Variants in EPHA6 observed in about 807,000 individuals in gnomAD.
The protein encoded by EPHA6 is ephrin type-A receptor 6.
EPHA6 carries 50 observed loss-of-function variants against 112.0 expected under a neutral mutation model. That is an observed-to-expected ratio of 0.45 (90% CI 0.36 to 0.56). The LOEUF (loss-of-function observed/expected upper bound fraction) is 0.56, where lower values mean the gene tolerates loss of function less well. Ranked by LOEUF, EPHA6 falls within the 20% of genes least tolerant of loss-of-function variation. The pLI is 0.00. For missense variants in EPHA6, 1,280 were observed against 1,417.4 expected (o/e 0.90, Z 1.56); for synonymous variants, 529 against 490.7 (o/e 1.08, Z -1.03).
chr3:97,500,050 T>A (rs1157551650), intron 10 of EPHA6, among the ~76,000 whole-genome samples: 1 of 152,218 alleles, frequency 6.6e-6, no homozygotes, highest in African/African-American at 2.4e-5. Flanking sequence ...TCCTTATTTA[T>A]ATTCTTATTC....
intron 5 of EPHA6, among the ~76,000 whole-genome samples, chr3:97,280,030 C>T (rs972784717): frequency 6.6e-6 from 1 of 152,172 alleles, no homozygotes; most frequent in African/African-American, 2.4e-5. Flanking sequence ...GGATTACAGG[C>T]ACCTGCCACC....
intron 2 of EPHA6, among the ~76,000 whole-genome samples, chr3:96,949,432 T>C (rs1393040157): frequency 6.6e-6 from 1 of 152,106 alleles, no homozygotes. Context: ...ATGCCTCAGT[T>C]TCTTTATTTG....
intron 13 of EPHA6, among the ~76,000 whole-genome samples, chr3:97,615,446 C>G (rs2093757609): frequency 6.6e-6 from 1 of 152,122 alleles, no homozygotes; most frequent in Admixed American, 6.6e-5. Context: ...GAAAAGGGAG[C>G]TGAATCCAGG....
At chr3:96,896,736 A>G (rs1229488585) in intron 2 of EPHA6, among the ~76,000 whole-genome samples, 4 of 152,180 alleles carry the variant, frequency 2.6e-5, no homozygotes, top group Non-Finnish European at 5.9e-5. Flanking sequence ...AGGAATTATG[A>G]TATCACCTTA....
At chr3:97,031,451 C>T (rs1390302425) in intron 3 of EPHA6, among the ~76,000 whole-genome samples, 1 of 152,070 alleles carries the variant, frequency 6.6e-6, no homozygotes, top group African/African-American at 2.4e-5. Flanking sequence ...CAAATGGGAT[C>T]TAATTAAACT....
At chr3:97,496,573 C>T (rs1411863930) in intron 10 of EPHA6, among the ~76,000 whole-genome samples, 1 of 152,110 alleles carries the variant, frequency 6.6e-6, no homozygotes, top group Non-Finnish European at 1.5e-5. Flanking sequence ...TGAAGCCATA[C>T]TTCTATAAGA....
chr3:97,329,778 T>C (rs1157218436), intron 5 of EPHA6, among the ~76,000 whole-genome samples: 2 of 152,168 alleles, frequency 1.3e-5, no homozygotes, highest in East Asian at 1.9e-4. Context: ...GCCTGTTCAC[T>C]CTGATGGTGG....
In EPHA6 at chr3:97,284,800, A is replaced by G. The variant is rs535774231; in HGVS notation, c.1606+40513A>G. Among the ~76,000 whole-genome samples, 38 of 152,326 alleles carry G rather than the reference A, an allele frequency of 2.5e-4. 1 individual carries two copies. Among genetic ancestry groups the G allele is most frequent in the African/African-American group, 6.7e-4 (28 of 41,594 alleles). ...TTGATTCTCCTCCCAATTAATACAA[A>G]TATGTTAAATCTTTAATTTGTACAC... On this transcript the variant is annotated intron_variant, in intron 5 of 17. Transcript: ENST00000389672.
intron 11 of EPHA6, among the ~76,000 whole-genome samples, chr3:97,579,556 T>G (rs2093418334): frequency 6.6e-6 from 1 of 152,144 alleles, no homozygotes; most frequent in Admixed American, 6.5e-5. Flanking sequence ...CTCCCCCTCA[T>G]TCTCCATTGA....
chr3:96,861,620 A>G (rs989151150), intron 1 of EPHA6, among the ~76,000 whole-genome samples: 1 of 151,982 alleles, frequency 6.6e-6, no homozygotes, highest in Non-Finnish European at 1.5e-5. Context: ...ATTACCTTAT[A>G]CTTACAAATA....
chr3:97,207,838 C>T (rs2108508612), intron 3 of EPHA6, among the ~76,000 whole-genome samples: 1 of 152,258 alleles, frequency 6.6e-6, no homozygotes, highest in East Asian at 1.9e-4. Flanking sequence ...TGCAGAAGAG[C>T]TCCTGCTTGC....
intron 5 of EPHA6, among the ~76,000 whole-genome samples, chr3:97,300,808 G>A (rs192118444): frequency 1.3e-5 from 2 of 151,694 alleles, no homozygotes; most frequent in Admixed American, 6.6e-5. Context: ...GACCTTACAC[G>A]TTCAAGTCAT....
intron 14 of EPHA6, among the ~76,000 whole-genome samples, chr3:97,665,748 A>G (rs1163752813): frequency 6.6e-6 from 1 of 152,204 alleles, no homozygotes; most frequent in Non-Finnish European, 1.5e-5. Context: ...CCTGGGTCAC[A>G]TGGTCCACCA....
At chr3:97,032,483 C>T (rs1270376433) in intron 3 of EPHA6, among the ~76,000 whole-genome samples, 3 of 151,420 alleles carry the variant, frequency 2.0e-5, no homozygotes, top group Non-Finnish European at 4.4e-5. Context: ...AGGATGAGAC[C>T]CATTATTTTG....
At chr3:97,340,269 C>G (rs1180027680) in intron 5 of EPHA6, among the ~76,000 whole-genome samples, 1 of 152,064 alleles carries the variant, frequency 6.6e-6, no homozygotes, top group Admixed American at 6.5e-5. Context: ...CCACAACCAC[C>G]CGTGGTTGGA....
intron 2 of EPHA6, among the ~76,000 whole-genome samples, chr3:96,982,396 T>G (rs552503282): frequency 5.9e-5 from 9 of 152,316 alleles, no homozygotes; most frequent in African/African-American, 2.2e-4. Context: ...GAGTTCTAGT[T>G]TGATTGCACT....
intron 7 of EPHA6, among the ~76,000 whole-genome samples, chr3:97,467,636 A>G (rs2091099138): frequency 6.6e-6 from 1 of 151,822 alleles, no homozygotes; most frequent in South Asian, 2.1e-4. Flanking sequence ...TGAAAGATAT[A>G]TGCATGAAGA....
At chr3:97,473,362 G>A (rs2091282080) in intron 7 of EPHA6, among the ~76,000 whole-genome samples, 1 of 151,854 alleles carries the variant, frequency 6.6e-6, no homozygotes, top group African/African-American at 2.4e-5. Flanking sequence ...GTTTATAAAT[G>A]TAATAACAAG....
chr3:97,471,610 G>C (rs1256214168), intron 7 of EPHA6, among the ~76,000 whole-genome samples: 1 of 151,648 alleles, frequency 6.6e-6, no homozygotes, highest in East Asian at 1.9e-4. Context: ...CAAGCACACA[G>C]AGTAATTGGA....
Sources: allele counts gnomAD v4.1 joint callset (sites outside exome capture counted in the v4.1 genomes callset), GRCh38; gene constraint gnomAD v4.1.1; transcripts MANE v1.5; gene names NCBI Gene and HGNC (gene_info 2026-07-23, HGNC 2026-07-21).